Variants in LUZP2 observed in about 807,000 individuals in gnomAD.
The protein encoded by LUZP2 is leucine zipper protein 2.
A neutral mutation model predicts 51.6 loss-of-function variants in LUZP2; 52 were observed. That is an observed-to-expected ratio of 1.01 (90% CI 0.81 to 1.27). LUZP2 has a LOEUF of 1.27. Ranked by LOEUF, LUZP2 falls within the 50% of genes most tolerant of loss-of-function variation. The pLI is 0.00. For synonymous variants in LUZP2, 154 were observed against 137.3 expected (o/e 1.12, Z -0.85); for missense variants, 436 against 395.4 (o/e 1.10, Z -0.87).
chr11:24,662,507 T>C (rs953424112), intron 1 of LUZP2, among the ~76,000 whole-genome samples: 1 of 152,112 alleles, frequency 6.6e-6, no homozygotes, highest in Non-Finnish European at 1.5e-5. Context: ...TTGAGATAAG[T>C]GATGGATATT....
chr11:24,925,675 T>G (rs1057485594), intron 7 of LUZP2, among the ~76,000 whole-genome samples: 1 of 152,044 alleles, frequency 6.6e-6, no homozygotes, highest in African/African-American at 2.4e-5. Context: ...AATGTGAGAA[T>G]TCTTCAAATA....
chr11:24,926,208 T>A (rs1016041264), intron 7 of LUZP2, among the ~76,000 whole-genome samples: 1 of 144,298 alleles, frequency 6.9e-6, no homozygotes, highest in Non-Finnish European at 1.5e-5. Flanking sequence ...TATATGTGTG[T>A]ATATATATAT....
chr11:24,564,527 G>T (rs562695753), intron 1 of LUZP2, among the ~76,000 whole-genome samples: 31 of 152,162 alleles, frequency 2.0e-4, no homozygotes, highest in African/African-American at 7.5e-4. Flanking sequence ...GGCATATTTT[G>T]ATATAGAACC....
At chr11:24,750,381 A>G (rs1364248997) in intron 4 of LUZP2, among the ~76,000 whole-genome samples, 2 of 152,204 alleles carry the variant, frequency 1.3e-5, no homozygotes, top group Non-Finnish European at 2.9e-5. Context: ...GCCTCTTTAT[A>G]TCTTCCAATA....
intron 5 of LUZP2, among the ~76,000 whole-genome samples, chr11:24,801,331 C>A (rs1849693472): frequency 6.6e-6 from 1 of 152,010 alleles, no homozygotes; most frequent in African/African-American, 2.4e-5. Context: ...TCTGAATGCT[C>A]CATTAAAGAC....
chr11:25,055,284 C>T (rs1858651504), intron 10 of LUZP2, among the ~76,000 whole-genome samples: 1 of 152,092 alleles, frequency 6.6e-6, no homozygotes, highest in Non-Finnish European at 1.5e-5. Context: ...GCTGGGATTA[C>T]AGGCGTAAGC....
chr11:24,571,938 C>G lies in LUZP2; in HGVS notation c.62+74633C>G, dbSNP rs189731024. ...ACATCCTCTATTTGTGTTACTCTTT[C>G]CATATTTCTCTGTGAAATTGTGCAA... On this transcript the variant is annotated intron_variant, in intron 1 of 11. Coordinates refer to ENST00000336930, the MANE Select transcript of LUZP2 (RefSeq NM_001009909.4). 1.2e-4 allele frequency among the ~76,000 whole-genome samples: 19 copies of G among 152,060 alleles called. No individual in the cohort carries two copies. The East Asian group carries it at 3.7e-3, about 29-fold the overall frequency.
intron 1 of LUZP2, among the ~76,000 whole-genome samples, chr11:24,716,046 G>A (rs1430469657): frequency 6.6e-6 from 1 of 151,998 alleles, no homozygotes; most frequent in Non-Finnish European, 1.5e-5. Flanking sequence ...AGAATTAAAT[G>A]ATATTGTAAA....
intron 1 of LUZP2, among the ~76,000 whole-genome samples, chr11:24,538,757 A>G (rs538561714): frequency 2.0e-5 from 3 of 151,874 alleles, no homozygotes; most frequent in South Asian, 4.1e-4. Flanking sequence ...GAATCACGTA[A>G]GTAAAATATT....
intron 1 of LUZP2, among the ~76,000 whole-genome samples, chr11:24,532,223 C>T (rs1851027120): frequency 1.3e-5 from 2 of 150,592 alleles, no homozygotes; most frequent in African/African-American, 2.4e-5. Context: ...TTCATTAACA[C>T]TTTAGAACTT....
At chr11:24,923,192 G>T (rs761759327) in intron 7 of LUZP2, among the ~76,000 whole-genome samples, 5 of 151,836 alleles carry the variant, frequency 3.3e-5, no homozygotes, top group Non-Finnish European at 7.4e-5. Flanking sequence ...CCACGATATC[G>T]TATTTTTCCT....
At chr11:24,784,023 C>G (rs1849169110) in intron 5 of LUZP2, among the ~76,000 whole-genome samples, 1 of 151,780 alleles carries the variant, frequency 6.6e-6, no homozygotes, top group African/African-American at 2.4e-5. Context: ...AGCTTCTAGG[C>G]CTTTCTTGCG....
At chr11:24,937,801 T>C (rs77163499) in intron 7 of LUZP2, among the ~76,000 whole-genome samples, 3,016 of 150,604 alleles carry the variant, frequency 0.02, 54 homozygotes, top group Non-Finnish European at 0.032. Flanking sequence ...CATGGGAGGC[T>C]GAGGCAGGAA....
intron 1 of LUZP2, among the ~76,000 whole-genome samples, chr11:24,551,694 A>G (rs889166570): frequency 2.6e-5 from 4 of 152,066 alleles, no homozygotes; most frequent in Non-Finnish European, 4.4e-5. Context: ...AATTGGAAAT[A>G]TAGAGGAAAA....
chr11:24,734,723 A>C (rs1476750611), intron 3 of LUZP2, among the ~76,000 whole-genome samples: 1 of 151,998 alleles, frequency 6.6e-6, no homozygotes, highest in East Asian at 1.9e-4. Context: ...CTCATTTCAA[A>C]ATCTGACTTA....
intron 1 of LUZP2, among the ~76,000 whole-genome samples, chr11:24,516,829 A>C (rs1020671934): frequency 1.3e-5 from 2 of 152,222 alleles, no homozygotes; most frequent in Non-Finnish European, 2.9e-5. Flanking sequence ...CCTAGGTAAC[A>C]GCTGCCTGTT....
intron 9 of LUZP2, among the ~76,000 whole-genome samples, chr11:25,016,489 C>T (rs1028556080): frequency 6.6e-6 from 1 of 151,848 alleles, no homozygotes; most frequent in South Asian, 2.1e-4. Flanking sequence ...TTATTCCATT[C>T]TTTTTAAGGC....
At chr11:24,776,439 A>C (rs143121054) in intron 5 of LUZP2, among the ~76,000 whole-genome samples, 2,301 of 152,240 alleles carry the variant, frequency 0.015, 59 homozygotes, top group African/African-American at 0.052. Flanking sequence ...TACTCAAAAC[A>C]CAGATTTCCC....
chr11:24,765,334 G>T (rs1460160395), intron 5 of LUZP2, among the ~76,000 whole-genome samples: 1 of 152,152 alleles, frequency 6.6e-6, no homozygotes, highest in Admixed American at 6.5e-5. Flanking sequence ...AGATAAAACA[G>T]ATACAAATAA....
Sources: allele counts gnomAD v4.1 joint callset (sites outside exome capture counted in the v4.1 genomes callset), GRCh38; gene constraint gnomAD v4.1.1; transcripts MANE v1.5; gene names NCBI Gene and HGNC (gene_info 2026-07-23, HGNC 2026-07-21).